TMEM14B: variants seen among roughly 807,000 people sequenced by gnomAD.
TMEM14B encodes transmembrane protein 14B.
Under a neutral mutation model 14.8 loss-of-function variants are expected in TMEM14B, and 9 were observed. That is an observed-to-expected ratio of 0.61 (90% CI 0.37 to 1.06). The LOEUF is 1.06. TMEM14B is among the 50% of genes least tolerant of loss of function. TMEM14B has a pLI of 0.01. For synonymous variants in TMEM14B, 40 were observed against 51.3 expected, an observed-to-expected ratio of 0.78 and a Z score of 0.94; for missense variants, 128 against 143.6, an observed-to-expected ratio of 0.89 and a Z score of 0.56.
At chr6:10,758,680 C>T (rs1019027381), downstream of TMEM14B, among the ~76,000 whole-genome samples, 11 of 152,028 alleles carry the variant, frequency 7.2e-5, no homozygotes, top group Admixed American at 7.2e-4. Context: ...GGGGAGTGGG[C>T]ATTTCTGTTG....
chr6:10,748,618 G>A (rs532566582), intron 1 of TMEM14B, among the ~76,000 whole-genome samples: 1 of 152,326 alleles, frequency 6.6e-6, no homozygotes, highest in South Asian at 2.1e-4. Flanking sequence ...ACTGCATACA[G>A]AATACTTTTC....
chr6:10,751,302 G>A, intron 4 of TMEM14B, 68 bp downstream of exon 4: 3 of 1,571,482 alleles, frequency 1.9e-6, no homozygotes, highest in South Asian at 2.3e-5. Context: ...AAAGACCCTG[G>A]TTTGGTGGGA....
chr6:10,752,606 C>G (rs753306492), intron 4 of TMEM14B, among the ~76,000 whole-genome samples: 4 of 151,770 alleles, frequency 2.6e-5, no homozygotes, highest in Non-Finnish European at 4.4e-5. Context: ...ACAGGTGTCT[C>G]CCACCATGTC....
At chr6:10,748,123 T>C (rs992199495) in intron 1 of TMEM14B, among the ~76,000 whole-genome samples, 1 of 152,214 alleles carries the variant, frequency 6.6e-6, no homozygotes, top group Non-Finnish European at 1.5e-5. Flanking sequence ...TTGCCTCGTT[T>C]CCTGGTGGTT....
chr6:10,752,178 C>T (rs2127495126), intron 4 of TMEM14B, among the ~76,000 whole-genome samples: 1 of 152,114 alleles, frequency 6.6e-6, no homozygotes, highest in South Asian at 2.1e-4. Context: ...TCTGATCCTA[C>T]TCCACTCAGC....
At chr6:10,758,655 G>A (rs978154516), downstream of TMEM14B, among the ~76,000 whole-genome samples, 4 of 151,580 alleles carry the variant, frequency 2.6e-5, no homozygotes, top group Non-Finnish European at 5.9e-5. Context: ...CCATATTACT[G>A]TGGGGGCACA....
chr6:10,757,668 C>T (rs559228059), downstream of TMEM14B, among the ~76,000 whole-genome samples: 7 of 152,208 alleles, frequency 4.6e-5, no homozygotes, highest in African/African-American at 1.7e-4. Context: ...CAATCTGGTG[C>T]CCTTTGTTTT....
chr6:10,754,362 A>G (rs1438345333), intron 4 of TMEM14B, among the ~76,000 whole-genome samples: 1 of 152,146 alleles, frequency 6.6e-6, no homozygotes, highest in African/African-American at 2.4e-5. Context: ...TCTTACTCAC[A>G]AACTGCATCT....
intron 4 of TMEM14B, 69 bp downstream of exon 4, chr6:10,751,303 T>A (rs1771555996): frequency 1.3e-6 from 2 of 1,567,032 alleles, no homozygotes; most frequent in Admixed American, 1.7e-5. Flanking sequence ...AAGACCCTGG[T>A]TTGGTGGGAT....
chr6:10,751,895 G>A (rs1420515078), intron 4 of TMEM14B, among the ~76,000 whole-genome samples: 1 of 152,070 alleles, frequency 6.6e-6, no homozygotes, highest in Non-Finnish European at 1.5e-5. Context: ...CCTCATCAGA[G>A]TGGTTTTCAG....
intron 3 of TMEM14B, chr6:10,749,904 T>A: frequency 1.6e-6 from 1 of 639,646 alleles, no homozygotes; most frequent in Non-Finnish European, 2.8e-6. Context: ...CTTGTGGAAT[T>A]ACTTATTTTT....
At chr6:10,757,245 G>A (rs903743009), downstream of TMEM14B, among the ~76,000 whole-genome samples, 1 of 151,720 alleles carries the variant, frequency 6.6e-6, no homozygotes, top group Non-Finnish European at 1.5e-5. Flanking sequence ...ATATCTCACT[G>A]TAGCCTCAAA....
chr6:10,758,771 A>G (rs1771884778), downstream of TMEM14B, among the ~76,000 whole-genome samples: 8 of 152,016 alleles, frequency 5.3e-5, no homozygotes, highest in South Asian at 1.7e-3. Flanking sequence ...GTTGACATGA[A>G]CTCCTTTTGT....
At chr6:10,753,812 CTTA>C (rs1159298012) in intron 4 of TMEM14B, among the ~76,000 whole-genome samples, 7 of 151,036 alleles carry the variant, frequency 4.6e-5, no homozygotes. Flanking sequence ...ACCTCTAGCC[CTTA>C]TCCTGAGTTG....
intron 3 of TMEM14B, 86 bp downstream of exon 3, chr6:10,749,784 C>G: frequency 6.6e-7 from 1 of 1,526,612 alleles, no homozygotes; most frequent in Non-Finnish European, 9.1e-7. Flanking sequence ...GAAGCAATCT[C>G]GTTTGACTCA....
intron 1 of TMEM14B, among the ~76,000 whole-genome samples, chr6:10,748,168 C>T (rs935905951): frequency 2.0e-5 from 3 of 152,156 alleles, no homozygotes; most frequent in African/African-American, 7.2e-5. Flanking sequence ...CTCCCTTACT[C>T]AGTGCCGCCT....
intron 3 of TMEM14B, among the ~76,000 whole-genome samples, chr6:10,750,864 T>A (rs1444619584): frequency 6.6e-6 from 1 of 151,974 alleles, no homozygotes; most frequent in African/African-American, 2.4e-5. Context: ...TAGTCATAGT[T>A]CTGTCTAAGG....
intron 4 of TMEM14B, among the ~76,000 whole-genome samples, chr6:10,754,896 G>GA (rs2127496488): frequency 6.6e-6 from 1 of 152,354 alleles, no homozygotes; most frequent in South Asian, 2.1e-4. Context: ...GGGTTTTGCA[G>GA]AAGACAAGTG....
intron 5 of TMEM14B, among the ~76,000 whole-genome samples, chr6:10,755,980 T>G (rs1771789451): frequency 6.6e-6 from 1 of 152,100 alleles, no homozygotes; most frequent in Non-Finnish European, 1.5e-5. Flanking sequence ...GTTCACTTGT[T>G]AAGTATGATA....
Sources: allele counts gnomAD v4.1 joint callset (sites outside exome capture counted in the v4.1 genomes callset), GRCh38; gene constraint gnomAD v4.1.1; transcripts MANE v1.5; gene names NCBI Gene and HGNC (gene_info 2026-07-23, HGNC 2026-07-21).